Variants in GABRA5 observed in about 807,000 individuals in gnomAD.
GABRA5 encodes the protein gamma-aminobutyric acid receptor subunit alpha-5.
Under a neutral mutation model 47.3 loss-of-function variants are expected in GABRA5, and 18 were observed. The observed-to-expected ratio is 0.38, with a 90% CI of 0.26 to 0.56. GABRA5 has a LOEUF of 0.56. Ranked by LOEUF, GABRA5 falls within the 20% of genes least tolerant of loss-of-function variation. GABRA5 has a pLI of 0.71. For missense variants in GABRA5, 365 were observed against 599.3 expected, an observed-to-expected ratio of 0.61 and a Z score of 4.08; for synonymous variants, 237 against 229.3, an observed-to-expected ratio of 1.03 and a Z score of -0.30.
chr15:26,939,631 G>T, intron 8 of GABRA5: 1 of 600,420 alleles, frequency 1.7e-6, no homozygotes, highest in Non-Finnish European at 3.0e-6. Flanking sequence ...AGGGAGTGGG[G>T]GGAGAGAGGC....
chr15:26,899,555 T>C (rs924593031), intron 6 of GABRA5, among the ~76,000 whole-genome samples: 7 of 152,216 alleles, frequency 4.6e-5, no homozygotes, highest in Non-Finnish European at 8.8e-5. Context: ...TATTGCAGAA[T>C]AGTGTATTTT....
At chr15:26,877,125 C>T (rs566210821) in intron 3 of GABRA5, among the ~76,000 whole-genome samples, 21 of 152,160 alleles carry the variant, frequency 1.4e-4, no homozygotes, top group Non-Finnish European at 1.3e-4. Context: ...GCAGGAATAT[C>T]GGAGAGTTCT....
intron 6 of GABRA5, among the ~76,000 whole-genome samples, chr15:26,894,956 T>C (rs1893144352): frequency 6.6e-6 from 1 of 152,130 alleles, no homozygotes; most frequent in Non-Finnish European, 1.5e-5. Flanking sequence ...CTGATTTCAT[T>C]CTCGGTGGCT....
chr15:26,933,866 G>A (rs1894167278), intron 7 of GABRA5, among the ~76,000 whole-genome samples: 3 of 152,300 alleles, frequency 2.0e-5, no homozygotes, highest in South Asian at 4.1e-4. Context: ...TTATCTGTTT[G>A]TATTTTTCAA....
chr15:26,884,045 C>G lies in GABRA5; in HGVS notation c.497+488C>G, dbSNP rs117463447. Among the ~76,000 whole-genome samples the G allele has an allele frequency of 1.9e-3, 293 of 151,918 alleles. 9 individuals are homozygous for G. The East Asian group carries it at 0.048, about 25-fold the overall frequency. ...AAAAAAAACAAAAAAGAAATTCACCCAGGCGAGGAGGCATGCACCTGTGGT... is the reference window on the plus strand; with the variant it reads ...AAAAAAAACAAAAAAGAAATTCACCGAGGCGAGGAGGCATGCACCTGTGGT... On this transcript the variant is annotated intron_variant, in intron 6 of 10. Coordinates refer to ENST00000335625, the MANE Select transcript of GABRA5 (RefSeq NM_000810.4).
chr15:26,937,043 C>T (rs1894259673), intron 7 of GABRA5, 142 bp from the exon 8 acceptor site: 2 of 971,576 alleles, frequency 2.1e-6, no homozygotes, highest in East Asian at 2.4e-5. Flanking sequence ...GGTCCAACCA[C>T]CCTATGCATT....
intron 7 of GABRA5, among the ~76,000 whole-genome samples, chr15:26,927,537 G>A (rs970294258): frequency 6.6e-6 from 1 of 152,186 alleles, no homozygotes; most frequent in African/African-American, 2.4e-5. Flanking sequence ...TGTATTGTGT[G>A]TAAACTGTTG....
At chr15:26,932,172 G>A (rs1894124302) in intron 7 of GABRA5, among the ~76,000 whole-genome samples, 2 of 152,292 alleles carry the variant, frequency 1.3e-5, no homozygotes, top group South Asian at 4.1e-4. Flanking sequence ...TATCATCAGT[G>A]TGAACAGACA....
rs749942488 is a variant in GABRA5 at position 26,937,339 on chromosome 15, G to C, written c.724+11G>C. 1 of 1,596,708 alleles carries C rather than the reference G, an allele frequency of 6.3e-7. No homozygotes were observed. Reference sequence around the variant, plus strand: ...TCAGCACCAGCACAGGTGAGGGCTCGGCACGCGCTGTGCTGCCAGGCGCAC... The same window carrying C: ...TCAGCACCAGCACAGGTGAGGGCTCCGCACGCGCTGTGCTGCCAGGCGCAC... On this transcript the variant is annotated intron_variant, in intron 8 of 10. Coordinates refer to ENST00000335625, the MANE Select transcript of GABRA5 (RefSeq NM_000810.4).
Position 26,948,400 on chromosome 15 carries a change from T to A in GABRA5, c.*167T>A, listed in dbSNP as rs1489490339. The A allele has an allele frequency of 1.6e-6, 1 of 641,000 alleles. No homozygotes were observed. The highest frequency in any genetic ancestry group is 2.7e-6 in the Non-Finnish European group (1 of 375,098). 39.7% of individuals were successfully genotyped at this position (641,000 alleles called of 1,614,324 possible). ...TTGCCTTGATGTTTCTATATGTAACTTCAGATGTTTCCAAGATGTCCCATT... is the reference window on the plus strand; with the variant it reads ...TTGCCTTGATGTTTCTATATGTAACATCAGATGTTTCCAAGATGTCCCATT... On this transcript the variant is annotated 3_prime_UTR_variant, in exon 11 of 11. Coordinates refer to ENST00000335625, the MANE Select transcript of GABRA5 (RefSeq NM_000810.4).
chr15:26,878,499 A>T (rs1892651409), intron 3 of GABRA5, among the ~76,000 whole-genome samples: 1 of 152,160 alleles, frequency 6.6e-6, no homozygotes, highest in Admixed American at 6.5e-5. Context: ...GCTCATGAAA[A>T]AACAAAACAA....
At chr15:26,937,101 T>A (rs1221446306) in intron 7 of GABRA5, 84 bp from the exon 8 acceptor site, 12 of 1,512,560 alleles carry the variant, frequency 7.9e-6, no homozygotes, top group Non-Finnish European at 1.1e-5. Context: ...ATCCTCTCTC[T>A]TGCTACTTTA....
At chr15:26,891,515 G>A (rs1264063226) in intron 6 of GABRA5, among the ~76,000 whole-genome samples, 1 of 152,166 alleles carries the variant, frequency 6.6e-6, no homozygotes, top group African/African-American at 2.4e-5. Context: ...TCAGCCATGG[G>A]GACTGAAAAT....
intron 6 of GABRA5, 106 bp from the exon 7 acceptor site, chr15:26,914,697 A>G (rs1893679925): frequency 6.3e-6 from 5 of 794,296 alleles, no homozygotes; most frequent in Admixed American, 6.2e-5. Flanking sequence ...CATAAGAGAC[A>G]TTAATTTTTA....
rs1274121828 is a variant in GABRA5, at chr15:26,947,940, C to T, written c.1096C>T (p.Arg366Cys). ...ALEAAKIKKK[R>C]EVILNKSTNA... ...TTCGTATTATATTTTGCAGAAAAAGCGTGAAGTCATACTAAATAAGTCAAC... is the reference window on the plus strand; with the variant it reads ...TTCGTATTATATTTTGCAGAAAAAGTGTGAAGTCATACTAAATAAGTCAAC... Residue 366 changes from arginine to cysteine, a missense_variant, in exon 11 of 11, where the codon CGT (arginine) becomes TGT (cysteine). By Grantham distance (180) the Arg-to-Cys change is radical (BLOSUM62 -3). Transcript: ENST00000335625. 3.8e-6 allele frequency: 6 copies of T among 1,571,246 alleles called. No individual in the cohort carries two copies. The East Asian group carries it at 1.2e-4, about 30-fold the overall frequency.
At chr15:26,920,322 C>G (rs1322171180) in intron 7 of GABRA5, among the ~76,000 whole-genome samples, 2 of 151,736 alleles carry the variant, frequency 1.3e-5, no homozygotes, top group Non-Finnish European at 2.9e-5. Context: ...GCTCCTCTGA[C>G]TGAATAATTT....
intron 6 of GABRA5, among the ~76,000 whole-genome samples, chr15:26,911,635 G>A (rs1248115359): frequency 1.3e-5 from 2 of 152,136 alleles, no homozygotes; most frequent in Admixed American, 6.5e-5. Flanking sequence ...AGTGCCTCAC[G>A]GGGCCTTTGG....
intron 7 of GABRA5, among the ~76,000 whole-genome samples, chr15:26,928,714 G>T (rs1007459379): frequency 2.0e-5 from 3 of 152,094 alleles, no homozygotes; most frequent in Non-Finnish European, 4.4e-5. Flanking sequence ...AGTCTGGTTT[G>T]GCTGTTATAA....
intron 6 of GABRA5, among the ~76,000 whole-genome samples, chr15:26,889,098 T>C (rs947847263): frequency 6.6e-6 from 1 of 152,262 alleles, no homozygotes; most frequent in African/African-American, 2.4e-5. Flanking sequence ...AGTCGTGCAC[T>C]GAATACCGCT....
Sources: gnomAD v4.1 joint callset for allele counts (sites outside exome capture counted in the v4.1 genomes callset) on GRCh38, gnomAD v4.1.1 for gene constraint, MANE v1.5 for transcripts, NCBI Gene and HGNC (gene_info 2026-07-23, HGNC 2026-07-21) for gene names.